Variants in COX18 observed in about 807,000 individuals in gnomAD.
COX18 encodes the protein cytochrome c oxidase assembly factor COX18.
Under a neutral mutation model 38.0 loss-of-function variants are expected in COX18, and 45 were observed. That is an observed-to-expected ratio of 1.18 (90% confidence interval 0.93 to 1.52). The LOEUF (loss-of-function observed/expected upper bound fraction) is 1.52. Ranked by LOEUF, COX18 falls within the 40% of genes most tolerant of loss-of-function variation. COX18 has a pLI of 0.00. For synonymous variants in COX18, 177 were observed against 169.8 expected (o/e 1.04, Z -0.33); for missense variants, 462 against 423.8 (o/e 1.09, Z -0.79).
chr4:73,058,561 C>T (rs147083932), intron 5 of COX18, among the ~76,000 whole-genome samples: 2 of 152,282 alleles, frequency 1.3e-5, no homozygotes, highest in Admixed American at 6.5e-5. Context: ...GAGATCTTAT[C>T]TCCCTTCTTC....
Position 73,056,341 on chromosome 4 carries a change from A to C in COX18, c.*1773T>G, listed in dbSNP as rs1719885608. Reference sequence around the variant, plus strand: ...ATAGTTTAAGCCTATTAGGGTACTTAATCCTTACAAATAAACAGGTTTAAA... The same window carrying C: ...ATAGTTTAAGCCTATTAGGGTACTTCATCCTTACAAATAAACAGGTTTAAA... On this transcript the variant is annotated 3_prime_UTR_variant, in exon 6 of 6. Transcript: ENST00000507544. The C allele has an allele frequency of 6.6e-6, 1 of 152,208 alleles. No individual in the cohort carries two copies. 9.4% of individuals were successfully genotyped at this position (152,208 alleles called of 1,614,324 possible). A position where few individuals can be genotyped will look rare whatever the true frequency, so the allele number is the denominator to read the frequency against.
chr4:73,066,048 C>G (rs1262946646), intron 2 of COX18, among the ~76,000 whole-genome samples: 1 of 152,148 alleles, frequency 6.6e-6, no homozygotes, highest in Non-Finnish European at 1.5e-5. Context: ...GGACAGTGTT[C>G]TATTTTATTC....
intron 4 of COX18, 105 bp from the exon 5 acceptor site, chr4:73,062,025 TTAATA>T: frequency 4.8e-6 from 3 of 625,754 alleles, no homozygotes; most frequent in Non-Finnish European, 2.8e-6. Context: ...CATCTACACT[TTAATA>T]AAAGTTATAT....
rs549198566 is a variant in COX18, at chr4:73,066,350, T to C, written c.435-937A>G. 8.5e-5 allele frequency among the ~76,000 whole-genome samples: 13 copies of C among 152,310 alleles called. No homozygotes were observed. The South Asian group carries it at 1.9e-3, about 22-fold the overall frequency. On this transcript the variant is annotated intron_variant, in intron 2 of 5. Transcript: ENST00000507544. ...GAAAGCCCACTTTCCTGGCTGTCCA[T>C]CTGACACACCGTCTTTTACCCTTCA...
Position 73,061,703 on chromosome 4 carries a change from G to A in COX18, c.831+110C>T, listed in dbSNP as rs1194191025. 8.6e-5 allele frequency: 52 copies of A among 604,002 alleles called. 1 individual carries two copies. Among genetic ancestry groups the A allele is most frequent in the South Asian group, 5.1e-4 (28 of 55,160 alleles). The allele number at this position is 604,002 out of a possible 1,614,324, so 37.4% of individuals were successfully genotyped here. A position where few individuals can be genotyped will look rare whatever the true frequency, so the allele number is the denominator to read the frequency against. ...AGCCTGGGTGACAGAGCGAGACTCCGTCTCAAAAAAAAAAAAAAAAAAAAA... is the reference window on the plus strand; with the variant it reads ...AGCCTGGGTGACAGAGCGAGACTCCATCTCAAAAAAAAAAAAAAAAAAAAA... On this transcript the variant is annotated intron_variant, in intron 5 of 5. Transcript: ENST00000507544.
rs375513065 is a variant in COX18 at position 73,059,407 on chromosome 4, A to T, written c.832-1120T>A. Among the ~76,000 whole-genome samples the T allele has an allele frequency of 3.1e-4, 47 of 152,332 alleles. No individual in the cohort carries two copies. In the South Asian group the frequency reaches 9.3e-3, roughly 30 times the overall value. On this transcript the variant is annotated intron_variant, in intron 5 of 5. Transcript: ENST00000507544. ...CCTCAGAGGATTGCTGTGAGGAATAAATGAGATAATTCATGTAGAGTGGTA... is the reference window on the plus strand; with the variant it reads ...CCTCAGAGGATTGCTGTGAGGAATATATGAGATAATTCATGTAGAGTGGTA...
rs1719850021 is a variant in COX18 at position 73,055,363 on chromosome 4, C to T, written c.*2751G>A. The T allele has an allele frequency of 6.6e-6, 1 of 152,194 alleles. No individual in the cohort carries two copies. 9.4% of individuals were successfully genotyped at this position (152,194 alleles called of 1,614,324 possible). On this transcript the variant is annotated 3_prime_UTR_variant, in exon 6 of 6. Transcript: ENST00000507544. ...AAGTAGTGAATACCAAATCACTGCT[C>T]CTAGAAAACATACAGGGTTAGGTTT... is the stretch of plus-strand genomic sequence containing the variant.
In COX18 at chr4:73,055,410, A is replaced by G. The variant is rs1474263084; in HGVS notation, c.*2704T>C. 2 of 152,364 alleles carry G rather than the reference A, an allele frequency of 1.3e-5. No homozygotes were observed. The highest frequency in any genetic ancestry group is 2.1e-4 in the South Asian group (1 of 4,832). 9.4% of individuals were successfully genotyped at this position (152,364 alleles called of 1,614,324 possible). A position where few individuals can be genotyped will look rare whatever the true frequency, so the allele number is the denominator to read the frequency against. On this transcript the variant is annotated 3_prime_UTR_variant, in exon 6 of 6. Coordinates refer to ENST00000507544, the MANE Select transcript of COX18 (RefSeq NM_001297732.2). The stretch of plus-strand genomic sequence containing the variant: ...GTTTCTGCAAGCTTTGTTTTTGTCA[A>G]CAGAACAATGCAACATATTGTTGAT...
chr4:73,060,376 G>A (rs955661689), intron 5 of COX18, among the ~76,000 whole-genome samples: 5 of 152,048 alleles, frequency 3.3e-5, no homozygotes, highest in Admixed American at 2.6e-4. Flanking sequence ...AATCTGTGCC[G>A]TTCTACTTTT....
chr4:73,057,558 CTG>C lies in COX18; in HGVS notation c.*554_*555del, dbSNP rs1342274771. ...CCAAAGTTCTGGTAGCTCTAACAAA[CTG>C]TAACTTTATAAACAGAGACAGGCAC... On this transcript the variant is annotated 3_prime_UTR_variant, in exon 6 of 6. Coordinates refer to ENST00000507544, the MANE Select transcript of COX18 (RefSeq NM_001297732.2). 5 of 152,298 alleles carry C rather than the reference CTG, an allele frequency of 3.3e-5. No homozygotes were observed. Among genetic ancestry groups the C allele is most frequent in the African/African-American group, 1.2e-4 (5 of 41,448 alleles). The allele number at this position is 152,298 out of a possible 1,614,324, so 9.4% of individuals were successfully genotyped here. A position where few individuals can be genotyped will look rare whatever the true frequency, so the allele number is the denominator to read the frequency against.
intron 4 of COX18, among the ~76,000 whole-genome samples, chr4:73,064,140 C>T (rs958430983): frequency 6.6e-6 from 1 of 152,026 alleles, no homozygotes; most frequent in Non-Finnish European, 1.5e-5. Flanking sequence ...CAAAAATTAG[C>T]CGGGTGTGGT....
At position 73,053,710 on chromosome 4, in the gene COX18, G is replaced by A. The variant is rs928800353; in HGVS notation, c.*4404C>T. 1 of 152,160 alleles carries A rather than the reference G, an allele frequency of 6.6e-6. No individual in the cohort carries two copies. Among genetic ancestry groups the A allele is most frequent in the East Asian group, 1.9e-4 (1 of 5,198 alleles). 9.4% of individuals were successfully genotyped at this position (152,160 alleles called of 1,614,324 possible). ...TCCCCAAGTTTGGCTTTTCCCTCGA[G>A]GTTCTTAATGAGGCTTTGCACCTTC... On this transcript the variant is annotated 3_prime_UTR_variant, in exon 6 of 6. Transcript: ENST00000507544.
At chr4:73,067,996 G>GCGTA in intron 2 of COX18, 33 bp downstream of exon 2, 1 of 1,246,828 alleles carries the variant, frequency 8.0e-7, no homozygotes, top group Non-Finnish European at 1.2e-6. Flanking sequence ...GTGTATGTGT[G>GCGTA]CGTATGGTCT....
chr4:73,052,592 AG>A lies in COX18; in HGVS notation c.*5521del, dbSNP rs1719772433. The A allele has an allele frequency of 6.6e-6, 1 of 152,196 alleles. No individual in the cohort carries two copies. The highest frequency in any genetic ancestry group is 6.5e-5 in the Admixed American group (1 of 15,276). The allele number at this position is 152,196 out of a possible 1,614,324, so 9.4% of individuals were successfully genotyped here. On this transcript the variant is annotated 3_prime_UTR_variant, in exon 6 of 6. Transcript: ENST00000507544. ...TAACTAGAAAATATCCATTATTACAAGTTTAAACAACACTAATAAGGTTCAA... is the reference window on the plus strand; with the variant it reads ...TAACTAGAAAATATCCATTATTACAATTTAAACAACACTAATAAGGTTCAA...
In COX18 at chr4:73,059,907, TA is replaced by T. The variant is rs879908077; in HGVS notation, c.832-1621del. Among the ~76,000 whole-genome samples, 311 of 143,226 alleles carry T rather than the reference TA, an allele frequency of 2.2e-3. 1 individual carries two copies. The highest frequency in any genetic ancestry group is 2.0e-3 in the Non-Finnish European group (131 of 64,944). 94.0% of individuals were successfully genotyped at this position (143,226 alleles called of 152,430 possible). On this transcript the variant is annotated intron_variant, in intron 5 of 5. Coordinates refer to ENST00000507544, the MANE Select transcript of COX18 (RefSeq NM_001297732.2). The stretch of plus-strand genomic sequence containing the variant: ...ATTTTTATTTGAGTAGGCTGTCATC[TA>T]AAAAAAAAAAAGACTATATTTCCTT...
At chr4:73,064,600 C>T (rs758992251) in intron 4 of COX18, among the ~76,000 whole-genome samples, 178 bp downstream of exon 4, 1 of 152,156 alleles carries the variant, frequency 6.6e-6, no homozygotes, top group Non-Finnish European at 1.5e-5. Context: ...AGTTCTGAGG[C>T]CCAGAGAGGT....
In COX18 at chr4:73,056,811, C is replaced by T. The variant is rs1719903782; in HGVS notation, c.*1303G>A. ...TGCTCAAAGAGGTCTAAAATCCTCT[C>T]CACCTCCAAAATAATAAGAAACATC... On this transcript the variant is annotated 3_prime_UTR_variant, in exon 6 of 6. Coordinates refer to ENST00000507544, the MANE Select transcript of COX18 (RefSeq NM_001297732.2). 6.6e-6 allele frequency: 1 copy of T among 152,182 alleles called. No homozygotes were observed. The highest frequency in any genetic ancestry group is 2.1e-4 in the South Asian group (1 of 4,832). The allele number at this position is 152,182 out of a possible 1,614,324, so 9.4% of individuals were successfully genotyped here.
At position 73,068,052 on chromosome 4, in the gene COX18, C is replaced by T; in HGVS notation, c.411G>A (p.Leu137=). Residue 137 remains leucine (L), a synonymous_variant, in exon 2 of 6, where the codon TTG becomes TTA. Transcript: ENST00000507544. The stretch of plus-strand genomic sequence containing the variant: ...ACCTGGCATCTCTTTTGGACCACCC[C>T]AACTGATTTGCACGAACTGCAACTT... ...NQEVAVRANQ[L]GWSKRDARLT... 1.2e-6 allele frequency: 2 copies of T among 1,610,646 alleles called. No homozygotes were observed. Among genetic ancestry groups the T allele is most frequent in the Non-Finnish European group, 1.7e-6 (2 of 1,178,726 alleles).
In COX18 at chr4:73,061,879, C is replaced by A. The variant is rs185785905; in HGVS notation, c.765G>T (p.Thr255=). The A allele has an allele frequency of 3.1e-6, 5 of 1,613,178 alleles. No individual in the cohort carries two copies. Among genetic ancestry groups the A allele is most frequent in the African/African-American group, 1.3e-5 (1 of 74,878 alleles). The stretch of plus-strand genomic sequence containing the variant: ...TTGCACGGACAAAGTACGTAATATA[C>A]GTCTGAAAACGAGACATTCCAATTT... ...LQKIGMSRFQ[T]YITYFVRAMS... The change falls in exon 5 of 6, where the codon ACG becomes ACT. Residue 255 remains threonine (T), a synonymous_variant. Transcript: ENST00000507544.
Sources: gnomAD v4.1 joint callset for allele counts (sites outside exome capture counted in the v4.1 genomes callset) on GRCh38, gnomAD v4.1.1 for gene constraint, MANE v1.5 for transcripts, NCBI Gene and HGNC (gene_info 2026-07-23, HGNC 2026-07-21) for gene names.